SIPA1L1: variants seen among roughly 807,000 people sequenced by gnomAD.
SIPA1L1 encodes the protein signal-induced proliferation-associated 1-like protein 1.
SIPA1L1 carries 26 observed loss-of-function variants against 162.7 expected under a neutral mutation model. The ratio of observed to expected loss-of-function variants is 0.16; its 90% CI spans 0.12 to 0.22. The LOEUF is 0.22. Among genes scored for constraint, SIPA1L1 ranks in the 10% least tolerant of loss-of-function variants. The probability of loss-of-function intolerance (pLI) is 1.00; values close to 1 mark genes in which losing one functional copy is unlikely to be tolerated. For synonymous variants in SIPA1L1, 829 were observed against 837.4 expected (o/e 0.99, Z 0.17); for missense variants, 1,874 against 2,241.0 (o/e 0.84, Z 3.31).
intron 2 of SIPA1L1, among the ~76,000 whole-genome samples, chr14:71,343,854 T>A (rs1464200074): frequency 1.3e-5 from 2 of 152,212 alleles, no homozygotes; most frequent in African/African-American, 4.8e-5. Flanking sequence ...ATTTCCAAGT[T>A]ACAAGTGTGT....
chr14:71,410,817 GAGAACAT>G, intron 2 of SIPA1L1, among the ~76,000 whole-genome samples: 1 of 152,260 alleles, frequency 6.6e-6, no homozygotes, highest in East Asian at 1.9e-4. Context: ...TTCTTTCTGT[GAGAACAT>G]TACATGCAAA....
chr14:71,334,156 C>G (rs922369890), intron 2 of SIPA1L1, among the ~76,000 whole-genome samples: 1 of 152,154 alleles, frequency 6.6e-6, no homozygotes, highest in African/African-American at 2.4e-5. Flanking sequence ...AGGTAGGCAG[C>G]TGGGCAGGTC....
At chr14:71,392,160 A>G (rs2040814441) in intron 2 of SIPA1L1, among the ~76,000 whole-genome samples, 1 of 152,154 alleles carries the variant, frequency 6.6e-6, no homozygotes, top group African/African-American at 2.4e-5. Flanking sequence ...CCCAATACCC[A>G]TTATCTCCTG....
At chr14:71,491,786 A>ACACACG (rs2049289836) in intron 2 of SIPA1L1, among the ~76,000 whole-genome samples, 1 of 150,846 alleles carries the variant, frequency 6.6e-6, no homozygotes, top group African/African-American at 2.4e-5. Flanking sequence ...ACACACACAC[A>ACACACG]CACACACACA....
chr14:71,715,795 T>A (rs1278438309), intron 17 of SIPA1L1, among the ~76,000 whole-genome samples: 1 of 152,252 alleles, frequency 6.6e-6, no homozygotes, highest in East Asian at 1.9e-4. Flanking sequence ...TTTCATCCTA[T>A]AATCATATTT....
In SIPA1L1 at chr14:71,324,419, T is replaced by C. The variant is rs80141728; in HGVS notation, c.-465+3238T>C. Among the ~76,000 whole-genome samples, 304 of 152,358 alleles carry C rather than the reference T, an allele frequency of 2.0e-3. 6 individuals are homozygous for C. Among genetic ancestry groups the C allele is most frequent in the East Asian group, 6.2e-3 (32 of 5,192 alleles). On this transcript the variant is annotated intron_variant, in intron 2 of 23. Transcript: ENST00000381232. ...TTTTTTCCTACCTTAGAGCCTGTTA[T>C]GTTAAAATTTTACTACTTTCTCCCC...
At chr14:71,328,942 T>A (rs1420340105) in intron 2 of SIPA1L1, among the ~76,000 whole-genome samples, 10 of 152,190 alleles carry the variant, frequency 6.6e-5, no homozygotes. Context: ...CATTTCCACC[T>A]CCCACAGACT....
At chr14:71,616,293 A>C (rs1421798236) in intron 5 of SIPA1L1, among the ~76,000 whole-genome samples, 1 of 152,210 alleles carries the variant, frequency 6.6e-6, no homozygotes, top group African/African-American at 2.4e-5. Flanking sequence ...GGAAGGACCA[A>C]AAGTACCATT....
intron 2 of SIPA1L1, among the ~76,000 whole-genome samples, chr14:71,374,693 A>G (rs1051242620): frequency 1.5e-4 from 15 of 102,182 alleles, no homozygotes; most frequent in African/African-American, 4.8e-4. Flanking sequence ...CCGTTTTGAA[A>G]GTTTTTTTTT....
chr14:71,512,971 C>T (rs1281859541), intron 3 of SIPA1L1, 126 bp downstream of exon 3: 1 of 152,410 alleles, frequency 6.6e-6, no homozygotes, highest in Non-Finnish European at 1.5e-5. Flanking sequence ...CTGAGACCCA[C>T]TTCCCCCAAC....
At chr14:71,329,134 C>T (rs555648144) in intron 2 of SIPA1L1, among the ~76,000 whole-genome samples, 16 of 152,222 alleles carry the variant, frequency 1.1e-4, no homozygotes, top group South Asian at 2.1e-4. Context: ...AATAGTATTC[C>T]GTCGTATGGG....
chr14:71,589,870 A>G (rs2035041736), intron 5 of SIPA1L1, among the ~76,000 whole-genome samples: 1 of 151,734 alleles, frequency 6.6e-6, no homozygotes, highest in Non-Finnish European at 1.5e-5. Flanking sequence ...TATTGTGAAA[A>G]CAAATTACAT....
At chr14:71,391,495 A>G (rs1255470955) in intron 2 of SIPA1L1, among the ~76,000 whole-genome samples, 2 of 152,224 alleles carry the variant, frequency 1.3e-5, no homozygotes, top group Non-Finnish European at 2.9e-5. Flanking sequence ...GTGATACGTG[A>G]TTTGAAGGAC....
rs2039548096 is a variant in SIPA1L1 at position 71,377,833 on chromosome 14, A to C, written c.-465+56652A>C. 1.3e-5 allele frequency among the ~76,000 whole-genome samples: 2 copies of C among 152,170 alleles called. No homozygotes were observed. Among genetic ancestry groups the C allele is most frequent in the South Asian group, 4.1e-4 (2 of 4,836 alleles). On this transcript the variant is annotated intron_variant, in intron 2 of 23. Transcript: ENST00000381232. The surrounding 1 kb of genome is among the most constrained non-coding windows in gnomAD (Gnocchi z 4.8). The stretch of plus-strand genomic sequence containing the variant: ...CCACCAAAAAATACAAAAACCAGTC[A>C]GGCGTGGCGGCGCGTGCCTGCAATC...
At chr14:71,423,483 AT>A (rs1294984765) in intron 2 of SIPA1L1, among the ~76,000 whole-genome samples, 1 of 151,944 alleles carries the variant, frequency 6.6e-6, no homozygotes, top group Non-Finnish European at 1.5e-5. Flanking sequence ...TTTTTCATTC[AT>A]TTGAGTTAAT....
At chr14:71,649,341 AC>A (rs949601816) in intron 7 of SIPA1L1, among the ~76,000 whole-genome samples, 15 of 151,886 alleles carry the variant, frequency 9.9e-5, no homozygotes, top group African/African-American at 3.1e-4. Flanking sequence ...ACAAGTGTGC[AC>A]CACCACACCT....
intron 4 of SIPA1L1, among the ~76,000 whole-genome samples, chr14:71,539,194 G>A (rs954262121): frequency 2.0e-5 from 3 of 152,058 alleles, no homozygotes; most frequent in African/African-American, 7.2e-5. Flanking sequence ...CCTGCTCCTT[G>A]GCCCGTTTTC....
At chr14:71,685,728 C>G (rs931398532) in intron 13 of SIPA1L1, 97 bp downstream of exon 13, 7 of 1,454,678 alleles carry the variant, frequency 4.8e-6, no homozygotes, top group Non-Finnish European at 6.5e-6. Context: ...TCATATTTTA[C>G]TAGAAACAAA....
At chr14:71,580,128 C>T (rs2033709551) in intron 4 of SIPA1L1, among the ~76,000 whole-genome samples, 1 of 152,192 alleles carries the variant, frequency 6.6e-6, no homozygotes, top group African/African-American at 2.4e-5. Flanking sequence ...AATCTGACTT[C>T]ATCGCTTTCT....
Sources: gnomAD v4.1 joint callset for allele counts (sites outside exome capture counted in the v4.1 genomes callset) on GRCh38, gnomAD v4.1.1 for gene constraint, Gnocchi (gnomAD v3.1) non-coding constraint, MANE v1.5 for transcripts, NCBI Gene and HGNC (gene_info 2026-07-23, HGNC 2026-07-21) for gene names.